Variants in CTNNA3 observed in about 807,000 individuals in gnomAD.
CTNNA3 encodes catenin alpha-3.
Under a neutral mutation model 95.7 loss-of-function variants are expected in CTNNA3, and 76 were observed. That is an observed-to-expected ratio of 0.79 (90% confidence interval 0.66 to 0.96). The LOEUF is 0.96. Ranked by LOEUF, CTNNA3 falls within the 40% of genes least tolerant of loss-of-function variation. CTNNA3 has a pLI of 0.00. For synonymous variants in CTNNA3, 431 were observed against 374.4 expected, an observed-to-expected ratio of 1.15 and a Z score of -1.74; for missense variants, 1,191 against 1,089.8, an observed-to-expected ratio of 1.09 and a Z score of -1.31.
At chr10:67,343,825 T>A (rs982821651) in intron 5 of CTNNA3, among the ~76,000 whole-genome samples, 1 of 151,550 alleles carries the variant, frequency 6.6e-6, no homozygotes, top group Non-Finnish European at 1.5e-5. Flanking sequence ...TCTTTGTGTG[T>A]TCCAGATCTT....
intron 7 of CTNNA3, among the ~76,000 whole-genome samples, chr10:66,899,525 G>A (rs532978672): frequency 1.3e-5 from 2 of 152,228 alleles, no homozygotes; most frequent in East Asian, 3.9e-4. Context: ...GCCCACGGAG[G>A]GTGAGCCAAA....
Position 66,360,899 on chromosome 10 carries a change from TTCTC to T in CTNNA3, c.1732+18249_1732+18252del, listed in dbSNP as rs368267520. On this transcript the variant is annotated intron_variant, in intron 12 of 17. Coordinates refer to ENST00000433211, the MANE Select transcript of CTNNA3 (RefSeq NM_013266.4). ...CTTTCTTTCTTTTTTCTTTATTTCT[TTCTC>T]TCTCTCTCTCTCTTTCTTCCTTTCT... 6.5e-3 allele frequency among the ~76,000 whole-genome samples: 702 copies of T among 107,890 alleles called. 12 individuals carry two copies. The highest frequency in any genetic ancestry group is 0.019 in the African/African-American group (659 of 34,758). 70.8% of individuals were successfully genotyped at this position (107,890 alleles called of 152,430 possible).
At chr10:67,093,749 C>T (rs981939483) in intron 7 of CTNNA3, among the ~76,000 whole-genome samples, 1 of 151,906 alleles carries the variant, frequency 6.6e-6, no homozygotes, top group Non-Finnish European at 1.5e-5. Context: ...GTGAAAAATA[C>T]CATATGCAGA....
At chr10:67,318,953 T>C (rs1841186761) in intron 5 of CTNNA3, among the ~76,000 whole-genome samples, 1 of 152,200 alleles carries the variant, frequency 6.6e-6, no homozygotes, top group South Asian at 2.1e-4. Flanking sequence ...AACTTGGGTT[T>C]CAGGAGGGTT....
At chr10:67,726,328 T>C (rs1841216032) in intron 1 of CTNNA3, among the ~76,000 whole-genome samples, 1 of 64,362 alleles carries the variant, frequency 1.6e-5, no homozygotes, top group Non-Finnish European at 2.4e-5. Context: ...TATATTATCT[T>C]ACATATTATA....
chr10:65,940,919 A>G (rs894462996), intron 17 of CTNNA3, among the ~76,000 whole-genome samples: 1 of 152,186 alleles, frequency 6.6e-6, no homozygotes, highest in Non-Finnish European at 1.5e-5. Context: ...TGCCACAATA[A>G]TAATTAGTAT....
In CTNNA3 at chr10:67,290,758, C is replaced by G. The variant is rs1839803764; in HGVS notation, c.580-70888G>C. ...TACAGTAAGAGAGTTCAAAATACAG[C>G]AAATTGTTAACAAATATGTAGAGCA... On this transcript the variant is annotated intron_variant, in intron 5 of 17. Transcript: ENST00000433211. Among the ~76,000 whole-genome samples the G allele has an allele frequency of 3.3e-5, 5 of 152,270 alleles. No homozygotes were observed. The South Asian group carries it at 1.0e-3, about 32-fold the overall frequency.
Position 66,299,238 on chromosome 10 carries a change from C to T in CTNNA3, c.1733-18617G>A, listed in dbSNP as rs1296184553. ...CATCTTAGATGCATGTCATTAGGAC[C>T]TCCTGAGGCTGTGTCACAGGCGTGG... On this transcript the variant is annotated intron_variant, in intron 12 of 17. Coordinates refer to ENST00000433211, the MANE Select transcript of CTNNA3 (RefSeq NM_013266.4). 5.3e-5 allele frequency among the ~76,000 whole-genome samples: 8 copies of T among 152,220 alleles called. No individual in the cohort carries two copies. In the East Asian group the frequency reaches 1.6e-3, roughly 30 times the overall value.
At chr10:67,597,617 C>T (rs1344634749) in intron 3 of CTNNA3, among the ~76,000 whole-genome samples, 2 of 152,114 alleles carry the variant, frequency 1.3e-5, no homozygotes, top group Admixed American at 1.3e-4. Flanking sequence ...GGCCCTGCTA[C>T]ACTGGAGAGA....
chr10:66,887,248 A>G (rs1845077237), intron 7 of CTNNA3, among the ~76,000 whole-genome samples: 1 of 152,154 alleles, frequency 6.6e-6, no homozygotes, highest in Admixed American at 6.6e-5. Flanking sequence ...TTGGGAAAAA[A>G]TCCTTAGCAA....
chr10:66,786,910 G>A (rs1366940914), intron 7 of CTNNA3, among the ~76,000 whole-genome samples: 1 of 152,142 alleles, frequency 6.6e-6, no homozygotes, highest in Non-Finnish European at 1.5e-5. Context: ...TAAGGGCAAA[G>A]TCCAACTCTA....
At chr10:66,263,777 A>G (rs1419826545) in intron 13 of CTNNA3, among the ~76,000 whole-genome samples, 2 of 152,002 alleles carry the variant, frequency 1.3e-5, no homozygotes, top group Non-Finnish European at 2.9e-5. Context: ...GGAAACCCTG[A>G]CACCAATTCA....
chr10:66,079,064 A>G (rs2080643777), intron 14 of CTNNA3: 1 of 152,022 alleles, frequency 6.6e-6, no homozygotes, highest in Non-Finnish European at 1.5e-5. Flanking sequence ...ACTCAGTCAG[A>G]TAATGAGGCC....
At chr10:67,418,760 A>C (rs1221753939) in intron 5 of CTNNA3, among the ~76,000 whole-genome samples, 1 of 152,206 alleles carries the variant, frequency 6.6e-6, no homozygotes, top group Non-Finnish European at 1.5e-5. Flanking sequence ...ATCTATTGTA[A>C]AACATGTAGT....
At chr10:66,191,785 T>C (rs867834249) in intron 13 of CTNNA3, among the ~76,000 whole-genome samples, 5 of 152,174 alleles carry the variant, frequency 3.3e-5, no homozygotes, top group African/African-American at 9.6e-5. Context: ...GCCCTTGCTA[T>C]GGTTTCAATG....
Position 67,606,935 on chromosome 10 carries a change from T to C in CTNNA3, c.214A>G (p.Lys72Glu), listed in dbSNP as rs371997421. ...VEEATWNLLD[K>E]GEKIAQEATV... ...GCTTCCTGGGCAATCTTCTCTCCCT[T>C]GTCTAATAAATTCCAAGTTGCTTCC... is the stretch of plus-strand genomic sequence containing the variant. Residue 72 changes from lysine (K) to glutamate (E), a missense_variant, in exon 3 of 18, where the codon AAG becomes GAG. Lys to Glu is a moderately conservative substitution (Grantham distance 56). Transcript: ENST00000433211. The C allele has an allele frequency of 8.1e-6, 13 of 1,613,982 alleles. No homozygotes were observed. The highest frequency in any genetic ancestry group is 2.7e-5 in the African/African-American group (2 of 74,942).
chr10:66,384,617 T>C (rs947186341), intron 11 of CTNNA3, among the ~76,000 whole-genome samples: 8 of 152,046 alleles, frequency 5.3e-5, no homozygotes, highest in African/African-American at 1.2e-4. Flanking sequence ...GAACTCTCCA[T>C]CCCAAATCAA....
intron 7 of CTNNA3, among the ~76,000 whole-genome samples, chr10:66,987,933 A>G (rs2840237): frequency 0.87 from 131,953 of 152,138 alleles, 57,358 homozygotes; most frequent in East Asian, 1. Context: ...TTTTCAAATG[A>G]TCTTTTAAAA....
chr10:66,898,021 G>C (rs1845570579), intron 7 of CTNNA3, among the ~76,000 whole-genome samples: 1 of 152,148 alleles, frequency 6.6e-6, no homozygotes. Context: ...CTAATGACTA[G>C]TGGAATCATA....
Sources: gnomAD v4.1 joint callset for allele counts (sites outside exome capture counted in the v4.1 genomes callset) on GRCh38, gnomAD v4.1.1 for gene constraint, MANE v1.5 for transcripts, NCBI Gene and HGNC (gene_info 2026-07-23, HGNC 2026-07-21) for gene names.